The following CNTNAP2 variants were observed in gnomAD, a reference collection of about 807,000 sequenced individuals.
CNTNAP2 encodes the protein contactin-associated protein-like 2.
In CNTNAP2, 98 loss-of-function variants were observed where a neutral mutation model predicts 155.2. That is an observed-to-expected ratio of 0.63 (90% CI 0.54 to 0.75). The LOEUF is 0.75. Among genes scored for constraint, CNTNAP2 ranks in the 30% least tolerant of loss-of-function variants. The pLI is 0.00. For missense variants in CNTNAP2, 1,727 were observed against 1,688.1 expected (o/e 1.02, Z -0.40); for synonymous variants, 651 against 631.2 (o/e 1.03, Z -0.47).
At chr7:146,227,451 A>G (rs1347932427) in intron 1 of CNTNAP2, among the ~76,000 whole-genome samples, 2 of 150,128 alleles carry the variant, frequency 1.3e-5, no homozygotes, top group Non-Finnish European at 3.0e-5. Context: ...AAAAAAAAAG[A>G]AAAAGAAAAA....
chr7:147,607,252 G>T (rs1216772699), intron 12 of CNTNAP2, among the ~76,000 whole-genome samples: 1 of 99,158 alleles, frequency 1.0e-5, no homozygotes, highest in Non-Finnish European at 2.0e-5. Context: ...GCCCTTCTGG[G>T]AGAAGGGGTC....
chr7:146,877,454 A>G (rs114513850), intron 3 of CNTNAP2, among the ~76,000 whole-genome samples: 2,614 of 152,010 alleles, frequency 0.017, 71 homozygotes, highest in African/African-American at 0.06. Flanking sequence ...GCAGTGAGCT[A>G]TGATTGCCCC....
intron 3 of CNTNAP2, among the ~76,000 whole-genome samples, chr7:146,996,196 G>A (rs1222411749): frequency 6.6e-6 from 1 of 151,912 alleles, no homozygotes; most frequent in Non-Finnish European, 1.5e-5. Flanking sequence ...TAGTGCCTTT[G>A]TAGGAAATCA....
At chr7:147,324,336 A>G (rs952053321) in intron 9 of CNTNAP2, among the ~76,000 whole-genome samples, 1 of 152,204 alleles carries the variant, frequency 6.6e-6, no homozygotes, top group Non-Finnish European at 1.5e-5. Context: ...ACTATTAGAA[A>G]TGTTTATATT....
At chr7:148,398,047 C>T (rs1446408071) in intron 22 of CNTNAP2, among the ~76,000 whole-genome samples, 3 of 152,140 alleles carry the variant, frequency 2.0e-5, no homozygotes, top group South Asian at 2.1e-4. Flanking sequence ...CTAATGCAAC[C>T]GAAAAGAGTA....
At chr7:148,274,528 A>T (rs371056526) in intron 21 of CNTNAP2, among the ~76,000 whole-genome samples, 1 of 152,170 alleles carries the variant, frequency 6.6e-6, no homozygotes, top group Non-Finnish European at 1.5e-5. Flanking sequence ...CTTGGTGATA[A>T]GTGAGCTCTC....
intron 13 of CNTNAP2, among the ~76,000 whole-genome samples, chr7:147,776,510 TAA>T (rs1797588413): frequency 1.3e-5 from 2 of 152,182 alleles, no homozygotes; most frequent in Admixed American, 6.5e-5. Flanking sequence ...TTGGCTGTCT[TAA>T]AAAGTCAGCT....
At chr7:147,049,603 T>C (rs1178932413) in intron 4 of CNTNAP2, among the ~76,000 whole-genome samples, 2 of 152,134 alleles carry the variant, frequency 1.3e-5, no homozygotes, top group African/African-American at 4.8e-5. Flanking sequence ...TGCTGTGTAC[T>C]CTAGGGTCTC....
chr7:147,318,313 G>A (rs74571960), intron 9 of CNTNAP2, among the ~76,000 whole-genome samples: 8,112 of 152,068 alleles, frequency 0.053, 285 homozygotes, highest in African/African-American at 0.1. Flanking sequence ...ATGGGTACGC[G>A]CACCTGAAGT....
chr7:148,100,652 A>T (rs1804079249), intron 15 of CNTNAP2, among the ~76,000 whole-genome samples: 1 of 152,192 alleles, frequency 6.6e-6, no homozygotes, highest in Non-Finnish European at 1.5e-5. Context: ...GATCGATTTT[A>T]TGGTTTATGC....
intron 15 of CNTNAP2, among the ~76,000 whole-genome samples, chr7:148,054,116 G>A (rs1457490849): frequency 6.6e-6 from 1 of 151,960 alleles, no homozygotes; most frequent in Non-Finnish European, 1.5e-5. Context: ...GGGACTACAG[G>A]TACCCGCCAC....
rs368697909 is a variant in CNTNAP2, at chr7:146,596,595, C to CAGAGAGAGAGAG, written c.98-177642_98-177631dup. Among the ~76,000 whole-genome samples the CAGAGAGAGAGAG allele has an allele frequency of 6.2e-3, 652 of 105,060 alleles. 30 individuals are homozygous for CAGAGAGAGAGAG. The highest frequency in any genetic ancestry group is 9.4e-3 in the Non-Finnish European group (481 of 50,928). The allele number at this position is 105,060 out of a possible 152,430, so 68.9% of individuals were successfully genotyped here. A position where few individuals can be genotyped will look rare whatever the true frequency, so the allele number is the denominator to read the frequency against. On this transcript the variant is annotated intron_variant, in intron 1 of 23. Transcript: ENST00000361727. ...AAGAAAGAGAGAGATAGAAGGGAGA[C>CAGAGAGAGAGAG]AGAGAGAGAGAGAGAGAGAGAGAGA...
intron 1 of CNTNAP2, among the ~76,000 whole-genome samples, chr7:146,728,150 G>A (rs538861379): frequency 6.6e-6 from 1 of 152,270 alleles, no homozygotes; most frequent in East Asian, 1.9e-4. Flanking sequence ...CCTAGACTGA[G>A]TTGTACAAGA....
At chr7:147,985,581 G>A (rs1427129642) in intron 15 of CNTNAP2, among the ~76,000 whole-genome samples, 1 of 151,936 alleles carries the variant, frequency 6.6e-6, no homozygotes, top group Non-Finnish European at 1.5e-5. Context: ...GCTTAGTGGA[G>A]AAAAGATCCC....
intron 1 of CNTNAP2, among the ~76,000 whole-genome samples, chr7:146,378,588 A>G (rs12113414): frequency 0.03 from 4,529 of 152,260 alleles, 108 homozygotes; most frequent in Middle Eastern, 0.061. Flanking sequence ...TAATTTCCTT[A>G]AGATCAACCA....
intron 21 of CNTNAP2, among the ~76,000 whole-genome samples, chr7:148,383,188 C>CTT (rs34329815): frequency 0.3 from 42,338 of 138,856 alleles, 6,957 homozygotes; most frequent in Non-Finnish European, 0.38. Flanking sequence ...AATTCTTGTT[C>CTT]TTTTTTTTTT....
Position 148,068,316 on chromosome 7 carries a change from C to T in CNTNAP2, c.2384-49802C>T, listed in dbSNP as rs559256222. 3.3e-5 allele frequency among the ~76,000 whole-genome samples: 5 copies of T among 152,330 alleles called. No homozygotes were observed. The South Asian group carries it at 6.2e-4, about 19-fold the overall frequency. ...AACCTCTATGAGGTAAAGTCAGAAA[C>T]GGCTTCCCTGGGCACCAGGAATGCC... is the stretch of plus-strand genomic sequence containing the variant. On this transcript the variant is annotated intron_variant, in intron 15 of 23. Transcript: ENST00000361727.
At chr7:146,810,310 T>C (rs1287876820) in intron 2 of CNTNAP2, among the ~76,000 whole-genome samples, 3 of 151,702 alleles carry the variant, frequency 2.0e-5, no homozygotes, top group Admixed American at 6.6e-5. Context: ...TTTTTTTTTT[T>C]TTTTTCAAGA....
chr7:146,584,269 C>A (rs1584993073), intron 1 of CNTNAP2, among the ~76,000 whole-genome samples: 1 of 152,134 alleles, frequency 6.6e-6, no homozygotes, highest in African/African-American at 2.4e-5. Flanking sequence ...CCATATGACA[C>A]CCCGAGCTTC....
Sources: allele counts gnomAD v4.1 joint callset (sites outside exome capture counted in the v4.1 genomes callset), GRCh38; gene constraint gnomAD v4.1.1; transcripts MANE v1.5; gene names NCBI Gene and HGNC (gene_info 2026-07-23, HGNC 2026-07-21).